Variants in OPCML observed in about 807,000 individuals in gnomAD.
OPCML encodes the protein opioid-binding protein/cell adhesion molecule.
Under a neutral mutation model 37.8 loss-of-function variants are expected in OPCML, and 13 were observed. The ratio of observed to expected loss-of-function variants is 0.34; its 90% CI spans 0.22 to 0.55. OPCML has a LOEUF of 0.55. OPCML is among the 20% of genes least tolerant of loss of function. OPCML has a pLI of 0.91. For synonymous variants in OPCML, 176 were observed against 168.8 expected, an observed-to-expected ratio of 1.04 and a Z score of -0.33; for missense variants, 341 against 435.6, an observed-to-expected ratio of 0.78 and a Z score of 1.93.
intron 2 of OPCML, among the ~76,000 whole-genome samples, chr11:132,789,100 C>A (rs1313437258): frequency 6.6e-6 from 1 of 152,184 alleles, no homozygotes; most frequent in African/African-American, 2.4e-5. Context: ...ATTCCCTCAG[C>A]CTGTATCCTA....
Position 132,814,318 on chromosome 11 carries a change from T to A in OPCML, c.146+128608A>T, listed in dbSNP as rs118162382. On this transcript the variant is annotated intron_variant, in intron 2 of 7. Transcript: ENST00000524381. The stretch of plus-strand genomic sequence containing the variant: ...TATGAGAAATTGGCTCATACGGTTA[T>A]GGAGGCTGAGAAACTTCATAATCTG... Among the ~76,000 whole-genome samples, 155 of 152,286 alleles carry A rather than the reference T, an allele frequency of 1.0e-3. 1 individual carries two copies. In the East Asian group the frequency reaches 0.022, roughly 21 times the overall value.
intron 1 of OPCML, among the ~76,000 whole-genome samples, chr11:132,971,067 T>A (rs1394425154): frequency 6.6e-6 from 1 of 152,130 alleles, no homozygotes; most frequent in African/African-American, 2.4e-5. Context: ...GACTTTAACC[T>A]TTTCATACAC....
chr11:133,442,794 AAG>A (rs1192455516), intron 1 of OPCML, among the ~76,000 whole-genome samples: 1 of 150,070 alleles, frequency 6.7e-6, no homozygotes, highest in Non-Finnish European at 1.5e-5. Flanking sequence ...GGTAAGAAGA[AAG>A]AAGAAAAAAG....
At chr11:133,104,301 C>T (rs1318012300) in intron 1 of OPCML, among the ~76,000 whole-genome samples, 5 of 152,208 alleles carry the variant, frequency 3.3e-5, no homozygotes, top group Non-Finnish European at 5.9e-5. Flanking sequence ...TAAATTCCTC[C>T]CCATCCCTTC....
intron 4 of OPCML, among the ~76,000 whole-genome samples, chr11:132,466,410 C>T (rs371100415): frequency 2.7e-5 from 4 of 150,406 alleles, no homozygotes; most frequent in Non-Finnish European, 4.4e-5. Context: ...CGTGAACCCG[C>T]GAGGCGGAGC....
intron 2 of OPCML, among the ~76,000 whole-genome samples, chr11:132,919,227 C>T (rs1270301655): frequency 6.6e-6 from 1 of 152,150 alleles, no homozygotes; most frequent in Non-Finnish European, 1.5e-5. Context: ...AGGCAGGCTA[C>T]CAGGACGCAG....
chr11:132,557,571 T>G (rs1027065306), intron 3 of OPCML, among the ~76,000 whole-genome samples: 7 of 152,226 alleles, frequency 4.6e-5, no homozygotes, highest in Admixed American at 2.6e-4. Context: ...CTTTCCTTTA[T>G]TAATAATCCA....
chr11:133,289,471 T>C (rs947728236), intron 1 of OPCML, among the ~76,000 whole-genome samples: 1 of 150,258 alleles, frequency 6.7e-6, no homozygotes, highest in Non-Finnish European at 1.5e-5. Context: ...GGCGGGCGCC[T>C]GTAGTCCCAG....
At chr11:132,913,898 C>T (rs945808009) in intron 2 of OPCML, among the ~76,000 whole-genome samples, 4 of 152,340 alleles carry the variant, frequency 2.6e-5, no homozygotes, top group Non-Finnish European at 5.9e-5. Context: ...GGACTCCTCC[C>T]CTCTCTGCCT....
chr11:133,254,577 G>A (rs186574618), intron 1 of OPCML, among the ~76,000 whole-genome samples: 5 of 152,294 alleles, frequency 3.3e-5, no homozygotes, highest in Admixed American at 2.0e-4. Flanking sequence ...AGAAGATGAA[G>A]ATGAAGTCAA....
chr11:132,712,548 G>A lies in OPCML; in HGVS notation c.147-55229C>T, dbSNP rs181064127. Among the ~76,000 whole-genome samples the A allele has an allele frequency of 3.1e-3, 477 of 152,294 alleles. 3 individuals are homozygous for A. Among genetic ancestry groups the A allele is most frequent in the South Asian group, 5.6e-3 (27 of 4,828 alleles). On this transcript the variant is annotated intron_variant, in intron 2 of 7. Transcript: ENST00000524381. ...TATCATTTCTAACAGAAAGTACTGG[G>A]TCAAACTCCCACCCCAAGAACATGG...
intron 1 of OPCML, among the ~76,000 whole-genome samples, chr11:133,437,161 T>A (rs1946250918): frequency 6.6e-6 from 1 of 152,234 alleles, no homozygotes; most frequent in Non-Finnish European, 1.5e-5. Flanking sequence ...TAACTGATGA[T>A]GTTGCCTAAT....
intron 3 of OPCML, among the ~76,000 whole-genome samples, chr11:132,600,839 C>CTTTTTTTTTTTTTTTTTTTTTTTTT (rs145586468): frequency 1.1e-5 from 1 of 94,534 alleles, no homozygotes; most frequent in Non-Finnish European, 1.9e-5. Context: ...AAATAGTTAA[C>CTTTTTTTTTTTTTTTTTTTTTTTTT]TTTTTTTTTT....
chr11:132,505,803 G>A (rs1318229891), intron 4 of OPCML, among the ~76,000 whole-genome samples: 6 of 151,516 alleles, frequency 4.0e-5, no homozygotes, highest in Non-Finnish European at 8.8e-5. Flanking sequence ...ACAGAAGAAA[G>A]AGCCAACACA....
At chr11:132,951,121 A>G (rs979775233) in intron 1 of OPCML, among the ~76,000 whole-genome samples, 1 of 152,150 alleles carries the variant, frequency 6.6e-6, no homozygotes, top group Non-Finnish European at 1.5e-5. Flanking sequence ...GGGACTTTAC[A>G]CAAGCTCCTT....
intron 2 of OPCML, among the ~76,000 whole-genome samples, chr11:132,893,699 C>G (rs1380362770): frequency 6.6e-6 from 1 of 152,222 alleles, no homozygotes; most frequent in Non-Finnish European, 1.5e-5. Flanking sequence ...CAACTCTTTG[C>G]AAGTATTGCC....
At chr11:133,292,150 C>T (rs890954976) in intron 1 of OPCML, among the ~76,000 whole-genome samples, 1 of 152,168 alleles carries the variant, frequency 6.6e-6, no homozygotes, top group Non-Finnish European at 1.5e-5. Context: ...CATAAGGGCC[C>T]TTTCCATCTT....
intron 3 of OPCML, among the ~76,000 whole-genome samples, chr11:132,641,540 T>A (rs978483579): frequency 1.3e-5 from 2 of 152,200 alleles, no homozygotes; most frequent in Admixed American, 1.3e-4. Context: ...TGGCCTTAAT[T>A]GCATTTTCCT....
At chr11:133,502,344 G>T (rs548468742) in intron 1 of OPCML, among the ~76,000 whole-genome samples, 1 of 152,324 alleles carries the variant, frequency 6.6e-6, no homozygotes, top group South Asian at 2.1e-4. Flanking sequence ...TGGCAGGGTG[G>T]CTGGCCAGTG....
Sources: gnomAD v4.1 joint callset for allele counts (sites outside exome capture counted in the v4.1 genomes callset) on GRCh38, gnomAD v4.1.1 for gene constraint, MANE v1.5 for transcripts, NCBI Gene and HGNC (gene_info 2026-07-23, HGNC 2026-07-21) for gene names.